The following ATAD2B variants were observed in gnomAD, a reference collection of about 807,000 sequenced individuals.
The protein encoded by ATAD2B is ATPase family AAA domain containing 2B, also known as ATPase family AAA domain-containing protein 2B.
Under a neutral mutation model 167.6 loss-of-function variants are expected in ATAD2B, and 40 were observed. The ratio of observed to expected loss-of-function variants is 0.24; its 90% confidence interval spans 0.19 to 0.31. The LOEUF is 0.31. ATAD2B is among the 10% of genes least tolerant of loss of function. ATAD2B has a pLI of 1.00. For synonymous variants in ATAD2B, 579 were observed against 596.5 expected (o/e 0.97, Z 0.43); for missense variants, 1,242 against 1,757.2 (o/e 0.71, Z 5.24).
chr2:23,872,657 G>C (rs1273291420), intron 8 of ATAD2B: 1 of 1,347,478 alleles, frequency 7.4e-7, no homozygotes, highest in African/African-American at 1.4e-5. Flanking sequence ...AACATCATAG[G>C]AGAGCCTCCA....
rs1376314778 is a variant in ATAD2B, at chr2:23,754,194, T to C, written c.4320A>G (p.Lys1440=). 6.5e-7 allele frequency: 1 copy of C among 1,536,434 alleles called. No homozygotes were observed. Among genetic ancestry groups the C allele is most frequent in the Admixed American group, 2.2e-5 (1 of 46,386 alleles). ...AAACACTTACCTCTACAAGTTGTGA[T>C]TTGTCATAATCTTTACGATGACGGT... ...CIYRHRKDYD[K]SQLVEEMERT... Residue 1440 remains lysine, a synonymous_variant, in exon 27 of 28, where the codon AAA becomes AAG. Transcript: ENST00000238789.
chr2:23,904,554 T>TTC (rs397808279), intron 1 of ATAD2B, among the ~76,000 whole-genome samples: 1 of 146,366 alleles, frequency 6.8e-6, no homozygotes, highest in Non-Finnish European at 1.5e-5. Flanking sequence ...TTTTTTTTTT[T>TTC]CTTTAAGAAA....
intron 21 of ATAD2B, 62 bp downstream of exon 21, chr2:23,785,965 T>C: frequency 7.2e-7 from 1 of 1,392,294 alleles, no homozygotes; most frequent in Middle Eastern, 1.9e-4. Flanking sequence ...CAAAAAAAGA[T>C]GTCAATATTT....
chr2:23,836,770 C>G (rs1690048511), intron 13 of ATAD2B, among the ~76,000 whole-genome samples: 1 of 152,066 alleles, frequency 6.6e-6, no homozygotes, highest in Admixed American at 6.5e-5. Context: ...AGAGGTGGCC[C>G]TGGAGGGGGT....
At chr2:23,888,995 C>T (rs1699083902) in intron 2 of ATAD2B, among the ~76,000 whole-genome samples, 1 of 152,136 alleles carries the variant, frequency 6.6e-6, no homozygotes, top group Admixed American at 6.6e-5. Context: ...GAAAAAGTCA[C>T]CATACTTCTT....
At chr2:23,920,623 C>T (rs991044226) in intron 1 of ATAD2B, among the ~76,000 whole-genome samples, 6 of 152,088 alleles carry the variant, frequency 3.9e-5, no homozygotes, top group Non-Finnish European at 5.9e-5. Context: ...ATGGCACTTA[C>T]GGCCTACTCT....
At chr2:23,692,644 G>T in the ATAD2B span, among the ~76,000 whole-genome samples, 1 of 152,168 alleles carries the variant, frequency 6.6e-6, no homozygotes, top group Admixed American at 6.5e-5. Context: ...ACACGCCTAG[G>T]TTGGAAGAAC....
the ATAD2B span, chr2:23,706,658 C>T: frequency 4.2e-5 from 64 of 1,520,316 alleles, no homozygotes; most frequent in Middle Eastern, 6.7e-4. Flanking sequence ...ATATTCAAAG[C>T]GGCTGACATC....
At chr2:23,888,505 G>A in intron 2 of ATAD2B, 106 bp from the exon 3 acceptor site, 1 of 727,232 alleles carries the variant, frequency 1.4e-6, no homozygotes, top group Non-Finnish European at 2.1e-6. Flanking sequence ...TTTTTTAAAA[G>A]TAAAGATAAC....
chr2:23,863,319 A>AG (rs1235159030), intron 12 of ATAD2B, 62 bp downstream of exon 12: 21 of 1,489,922 alleles, frequency 1.4e-5, no homozygotes, highest in Middle Eastern at 1.8e-4. Context: ...TCTCAAAAAA[A>AG]CAAAGAAAGA....
chr2:23,901,870 T>C (rs1211695816), intron 1 of ATAD2B, among the ~76,000 whole-genome samples: 5 of 152,188 alleles, frequency 3.3e-5, no homozygotes, highest in Admixed American at 2.0e-4. Flanking sequence ...ATAAGTACTA[T>C]GTACCATTGA....
intron 13 of ATAD2B, among the ~76,000 whole-genome samples, chr2:23,835,936 C>CAA (rs111774656): frequency 6.0e-4 from 79 of 131,856 alleles, no homozygotes; most frequent in African/African-American, 1.9e-3. Flanking sequence ...AACTCCATCT[C>CAA]AAAAAAAAAA....
At chr2:23,776,471 C>T (rs7602530) in intron 22 of ATAD2B, among the ~76,000 whole-genome samples, 265 of 152,338 alleles carry the variant, frequency 1.7e-3, no homozygotes, top group African/African-American at 5.7e-3. Context: ...TAGCCTTAAA[C>T]AGGATTTATA....
At chr2:23,840,292 A>C (rs1690672196) in intron 13 of ATAD2B, among the ~76,000 whole-genome samples, 1 of 152,178 alleles carries the variant, frequency 6.6e-6, no homozygotes, top group South Asian at 2.1e-4. Flanking sequence ...TTGATGTCTA[A>C]AAAAACCAAA....
chr2:23,908,937 A>T (rs1701862293), intron 1 of ATAD2B, among the ~76,000 whole-genome samples: 1 of 141,790 alleles, frequency 7.1e-6, no homozygotes, highest in South Asian at 2.2e-4. Context: ...GAATTGAACA[A>T]TGATAACACA....
chr2:23,699,606 T>A, the ATAD2B span, among the ~76,000 whole-genome samples: 11 of 152,324 alleles, frequency 7.2e-5, no homozygotes, highest in Admixed American at 7.2e-4. Flanking sequence ...CTGGCACTCA[T>A]GTTCTATCAC....
intron 19 of ATAD2B, among the ~76,000 whole-genome samples, chr2:23,797,573 C>T (rs923727890): frequency 1.4e-4 from 21 of 152,004 alleles, no homozygotes; most frequent in African/African-American, 4.1e-4. Context: ...ATCCCTTTTC[C>T]AAAATGCCTG....
the ATAD2B span, among the ~76,000 whole-genome samples, chr2:23,724,139 G>GA: frequency 6.6e-6 from 1 of 152,166 alleles, no homozygotes; most frequent in South Asian, 2.1e-4. Flanking sequence ...GGGAAGGGAG[G>GA]AATAGGGAGA....
At chr2:23,862,853 A>G (rs1694619656) in intron 12 of ATAD2B, among the ~76,000 whole-genome samples, 1 of 152,134 alleles carries the variant, frequency 6.6e-6, no homozygotes, top group Non-Finnish European at 1.5e-5. Flanking sequence ...TGTCTAAAGC[A>G]CCTAACATGG....
Sources: gnomAD v4.1 joint callset for allele counts (sites outside exome capture counted in the v4.1 genomes callset) on GRCh38, gnomAD v4.1.1 for gene constraint, MANE v1.5 for transcripts, NCBI Gene and HGNC (gene_info 2026-07-23, HGNC 2026-07-21) for gene names.